Variants in RBFOX1 observed in about 807,000 individuals in gnomAD.
The protein encoded by RBFOX1 is RNA binding protein fox-1 homolog 1.
In RBFOX1, 8 loss-of-function variants were observed where a neutral mutation model predicts 57.7. The observed-to-expected ratio is 0.14, with a 90% CI of 0.08 to 0.25. RBFOX1 has a LOEUF of 0.25. Ranked by LOEUF, RBFOX1 falls within the 10% of genes least tolerant of loss-of-function variation. The pLI is 1.00. For synonymous variants in RBFOX1, 326 were observed against 222.4 expected (o/e 1.47, Z -4.15); for missense variants, 611 against 548.5 (o/e 1.11, Z -1.14).
At chr16:6,758,693 A>T (rs535052760) in intron 3 of RBFOX1, among the ~76,000 whole-genome samples, 2 of 152,336 alleles carry the variant, frequency 1.3e-5, no homozygotes, top group South Asian at 4.1e-4. Flanking sequence ...AGTAATTTCT[A>T]ATTAAAAAGA....
At chr16:5,644,103 A>G (rs1387852705) in intron 3 of RBFOX1, among the ~76,000 whole-genome samples, 1 of 152,242 alleles carries the variant, frequency 6.6e-6, no homozygotes, top group Non-Finnish European at 1.5e-5. Flanking sequence ...GAGCCCATTA[A>G]CCAAATTAGC....
At chr16:7,266,519 A>G (rs73555981) in intron 4 of RBFOX1, among the ~76,000 whole-genome samples, 3,501 of 152,286 alleles carry the variant, frequency 0.023, 109 homozygotes, top group African/African-American at 0.074. Flanking sequence ...TCTTTACAGC[A>G]ATGCAAGAAC....
intron 3 of RBFOX1, among the ~76,000 whole-genome samples, chr16:6,793,520 A>T (rs1323692682): frequency 1.3e-5 from 2 of 152,080 alleles, no homozygotes; most frequent in Non-Finnish European, 2.9e-5. Flanking sequence ...CCATTTCCAA[A>T]CATTTCTAGG....
At chr16:5,791,093 C>T (rs1329765333) in intron 3 of RBFOX1, among the ~76,000 whole-genome samples, 6 of 152,052 alleles carry the variant, frequency 3.9e-5, no homozygotes, top group African/African-American at 1.4e-4. Context: ...GGTCTCAGCT[C>T]CTGGCCTCAA....
At chr16:6,824,983 G>GTTTTTTTTTTTTTTTTTTTGTT (rs2091917884) in intron 3 of RBFOX1, among the ~76,000 whole-genome samples, 1 of 36,878 alleles carries the variant, frequency 2.7e-5, no homozygotes, top group Non-Finnish European at 5.9e-5. Context: ...TTCTTTCTTG[G>GTTTTTTTTTTTTTTTTTTTGTT]TTTTTTTTTT....
chr16:5,536,106 CT>C (rs1482681186), intron 2 of RBFOX1, among the ~76,000 whole-genome samples: 9 of 147,476 alleles, frequency 6.1e-5, no homozygotes, highest in Middle Eastern at 7.1e-3. Flanking sequence ...CCCCCCCCCC[CT>C]TTTTTTTCTT....
intron 2 of RBFOX1, among the ~76,000 whole-genome samples, chr16:6,439,226 G>T (rs1314474358): frequency 6.6e-6 from 1 of 152,082 alleles, no homozygotes; most frequent in Admixed American, 6.5e-5. Context: ...GACAGGCAGG[G>T]CAGATAGCAC....
At chr16:5,876,554 C>T (rs951573086) in intron 4 of RBFOX1, among the ~76,000 whole-genome samples, 1 of 152,178 alleles carries the variant, frequency 6.6e-6, no homozygotes, top group East Asian at 1.9e-4. Context: ...TCTAAATTAT[C>T]TCATCTTCCA....
At chr16:5,680,062 G>C (rs1196939316) in intron 3 of RBFOX1, among the ~76,000 whole-genome samples, 7 of 152,212 alleles carry the variant, frequency 4.6e-5, no homozygotes. Context: ...GTTGGGGCTC[G>C]ATTGATTTAA....
intron 2 of RBFOX1, among the ~76,000 whole-genome samples, chr16:5,542,908 G>A (rs530410240): frequency 1.3e-5 from 2 of 152,172 alleles, no homozygotes; most frequent in Non-Finnish European, 2.9e-5. Flanking sequence ...CTGCTTATAA[G>A]GATTAGAAGG....
intron 3 of RBFOX1, chr16:5,610,611 G>A (rs1321931006): frequency 1.3e-5 from 2 of 152,104 alleles, no homozygotes; most frequent in Non-Finnish European, 2.9e-5. Flanking sequence ...GGTCGGTTGA[G>A]GCAGGAGGTC....
chr16:7,492,631 G>C (rs2151574310), intron 4 of RBFOX1, among the ~76,000 whole-genome samples: 1 of 152,258 alleles, frequency 6.6e-6, no homozygotes, highest in East Asian at 1.9e-4. Flanking sequence ...GTTGGACTTA[G>C]GGCCTGGTGG....
At chr16:7,364,064 C>G (rs555685637) in intron 4 of RBFOX1, among the ~76,000 whole-genome samples, 1 of 152,302 alleles carries the variant, frequency 6.6e-6, no homozygotes, top group Non-Finnish European at 1.5e-5. Context: ...TTGGGACTCC[C>G]AAGTCCTATT....
chr16:5,508,897 C>T (rs2043476008), intron 2 of RBFOX1, among the ~76,000 whole-genome samples: 1 of 152,172 alleles, frequency 6.6e-6, no homozygotes, highest in South Asian at 2.1e-4. Flanking sequence ...CGGCAACCAC[C>T]CACCTGGGGG....
chr16:5,734,317 A>G (rs925243159), intron 3 of RBFOX1, among the ~76,000 whole-genome samples: 23 of 152,124 alleles, frequency 1.5e-4, no homozygotes, highest in African/African-American at 5.3e-4. Flanking sequence ...AATTTTTTCT[A>G]CTTGGGATTC....
At chr16:6,556,280 CAG>C (rs1176941190) in intron 2 of RBFOX1, among the ~76,000 whole-genome samples, 1 of 152,104 alleles carries the variant, frequency 6.6e-6, no homozygotes, top group African/African-American at 2.4e-5. Flanking sequence ...CTTTGTCAGT[CAG>C]GGGGAGATTT....
intron 2 of RBFOX1, among the ~76,000 whole-genome samples, chr16:6,525,852 T>C (rs983109439): frequency 6.6e-6 from 1 of 151,972 alleles, no homozygotes; most frequent in African/African-American, 2.4e-5. Context: ...ACAACTAAGT[T>C]TGAACACATG....
chr16:6,975,574 C>A (rs930730237), intron 3 of RBFOX1, among the ~76,000 whole-genome samples: 1 of 152,128 alleles, frequency 6.6e-6, no homozygotes, highest in African/African-American at 2.4e-5. Flanking sequence ...GCCGCAAGTG[C>A]CCATATGTTG....
chr16:6,476,714 G>A (rs2095278342), intron 2 of RBFOX1, among the ~76,000 whole-genome samples: 1 of 152,160 alleles, frequency 6.6e-6, no homozygotes, highest in South Asian at 2.1e-4. Context: ...CTCTTAAAAT[G>A]AGGAAACAGT....
Sources: gnomAD v4.1 joint callset for allele counts (sites outside exome capture counted in the v4.1 genomes callset) on GRCh38, gnomAD v4.1.1 for gene constraint, MANE v1.5 for transcripts, NCBI Gene and HGNC (gene_info 2026-07-23, HGNC 2026-07-21) for gene names.